Variants in GSE1 observed in about 807,000 individuals in gnomAD.
The protein encoded by GSE1 is Gse1 coiled-coil protein.
In GSE1, 32 loss-of-function variants were observed where a neutral mutation model predicts 112.6. The observed-to-expected ratio is 0.28, with a 90% confidence interval of 0.21 to 0.38. GSE1 has a LOEUF of 0.38. GSE1 is among the 10% of genes least tolerant of loss of function. GSE1 has a pLI of 1.00. For synonymous variants in GSE1, 1,115 were observed against 735.6 expected (o/e 1.52, Z -8.35); for missense variants, 2,348 against 1,699.2 (o/e 1.38, Z -6.71).
chr16:85,656,237 G>T, intron 6 of GSE1, 106 bp from the exon 7 acceptor site: 1 of 1,408,900 alleles, frequency 7.1e-7, no homozygotes, highest in Non-Finnish European at 9.7e-7. Context: ...TCACTGTTCA[G>T]ATTAGCGCCC....
chr16:85,333,587 C>A (rs1167400272), intron 1 of GSE1, among the ~76,000 whole-genome samples: 1 of 152,228 alleles, frequency 6.6e-6, no homozygotes, highest in Non-Finnish European at 1.5e-5. Context: ...TGTATGTGGC[C>A]CTGGGCCTCA....
chr16:85,369,930 G>T (rs1271030463), intron 2 of GSE1, among the ~76,000 whole-genome samples: 1 of 152,184 alleles, frequency 6.6e-6, no homozygotes, highest in Non-Finnish European at 1.5e-5. Flanking sequence ...CAACCCCAAG[G>T]GTGCATTCTG....
At chr16:85,618,930 C>G (rs2048550544) in intron 1 of GSE1, among the ~76,000 whole-genome samples, 1 of 152,260 alleles carries the variant, frequency 6.6e-6, no homozygotes, top group African/African-American at 2.4e-5. Context: ...TCCCAAAGCA[C>G]TGGAGTTACA....
chr16:85,428,691 G>C (rs2049048853), intron 2 of GSE1, among the ~76,000 whole-genome samples: 1 of 152,186 alleles, frequency 6.6e-6, no homozygotes, highest in South Asian at 2.1e-4. Context: ...CCCTGAACTG[G>C]ACTGTCCACA....
At chr16:85,635,300 G>T (rs528097603) in intron 2 of GSE1, among the ~76,000 whole-genome samples, 1 of 151,304 alleles carries the variant, frequency 6.6e-6, no homozygotes, top group African/African-American at 2.5e-5. Flanking sequence ...ACCACCAGGG[G>T]GCAGCCCCTC....
intron 1 of GSE1, among the ~76,000 whole-genome samples, chr16:85,322,169 C>G (rs976283736): frequency 8.5e-5 from 13 of 152,234 alleles, no homozygotes. Context: ...GTTCAACATT[C>G]TGCCTTGCCA....
chr16:85,467,968 G>A (rs2151838605), intron 2 of GSE1, among the ~76,000 whole-genome samples: 1 of 152,284 alleles, frequency 6.6e-6, no homozygotes, highest in East Asian at 1.9e-4. Flanking sequence ...AAGAGAATGG[G>A]GCGTGGGAGG....
chr16:85,661,691 T>A lies in GSE1; in HGVS notation c.2186T>A (p.Phe729Tyr). 6.2e-7 allele frequency: 1 copy of A among 1,607,854 alleles called. No homozygotes were observed. The highest frequency in any genetic ancestry group is 8.5e-7 in the Non-Finnish European group (1 of 1,177,400). Residue 729 changes from phenylalanine to tyrosine, a missense_variant, in exon 9 of 16, where the codon TTC becomes TAC. Transcript: ENST00000253458. ...GACCCTGCCTACATCTATGATGAGTTCCTGCAGCAGCGCCGGAGGCTGGTC... is the reference window on the plus strand; with the variant it reads ...GACCCTGCCTACATCTATGATGAGTACCTGCAGCAGCGCCGGAGGCTGGTC... Reference protein sequence around the residue: ...APDPAYIYDEFLQQRRRLVSK... With the variant: ...APDPAYIYDEYLQQRRRLVSK...
intron 3 of GSE1, among the ~76,000 whole-genome samples, chr16:85,652,102 C>T (rs950360834): frequency 6.6e-6 from 1 of 152,248 alleles, no homozygotes; most frequent in Non-Finnish European, 1.5e-5. Flanking sequence ...GGCCCCCACC[C>T]TGCTGGTGCG....
chr16:85,280,735 C>T (rs576880731), intron 1 of GSE1, among the ~76,000 whole-genome samples: 1 of 152,340 alleles, frequency 6.6e-6, no homozygotes, highest in South Asian at 2.1e-4. Context: ...CCACACCATC[C>T]CTGCCGTCAT....
intron 13 of GSE1, among the ~76,000 whole-genome samples, chr16:85,667,410 G>T (rs757705677): frequency 6.6e-6 from 1 of 152,248 alleles, no homozygotes; most frequent in Non-Finnish European, 1.5e-5. Flanking sequence ...ACCAGGCCAC[G>T]CCATGAGACA....
Position 85,674,986 on chromosome 16 carries a change from G to A in GSE1, c.*2447G>A, listed in dbSNP as rs988441017. 6.6e-6 allele frequency: 1 copy of A among 152,564 alleles called. No homozygotes were observed. The highest frequency in any genetic ancestry group is 2.4e-5 in the African/African-American group (1 of 41,438). The allele number at this position is 152,564 out of a possible 1,614,324, so 9.5% of individuals were successfully genotyped here. A position where few individuals can be genotyped will look rare whatever the true frequency, so the allele number is the denominator to read the frequency against. Reference sequence around the variant, plus strand: ...CACGAATAAACTAAGAAAAAGGTAAGAACTGTCTCAAAAACGAAAGCACAC... The same window carrying A: ...CACGAATAAACTAAGAAAAAGGTAAAAACTGTCTCAAAAACGAAAGCACAC... On this transcript the variant is annotated 3_prime_UTR_variant, in exon 16 of 16. Coordinates refer to ENST00000253458, the MANE Select transcript of GSE1 (RefSeq NM_014615.5).
intron 1 of GSE1, among the ~76,000 whole-genome samples, chr16:85,253,344 C>T (rs73251977): frequency 0.014 from 2,170 of 152,230 alleles, 45 homozygotes; most frequent in African/African-American, 0.05. Flanking sequence ...GGGCACTGTG[C>T]CCGCTGCCCG....
At chr16:85,390,766 C>T (rs989238933) in intron 2 of GSE1, among the ~76,000 whole-genome samples, 87 of 148,400 alleles carry the variant, frequency 5.9e-4, no homozygotes, top group African/African-American at 2.1e-3. Flanking sequence ...GAACCCCGTG[C>T]TGGCCTTGCC....
chr16:85,248,060 T>C (rs1906051693), intron 1 of GSE1, among the ~76,000 whole-genome samples: 1 of 152,214 alleles, frequency 6.6e-6, no homozygotes, highest in South Asian at 2.1e-4. Context: ...CCCCCAGCTC[T>C]GTCCACCTGC....
chr16:85,397,238 T>C (rs11649180), intron 2 of GSE1, among the ~76,000 whole-genome samples: 42,293 of 152,114 alleles, frequency 0.28, 6,768 homozygotes, highest in South Asian at 0.42. Context: ...CCCTTTTGCA[T>C]TGGGGGAAGC....
intron 2 of GSE1, among the ~76,000 whole-genome samples, chr16:85,365,833 C>T (rs565283252): frequency 2.6e-5 from 4 of 152,204 alleles, no homozygotes; most frequent in Admixed American, 6.5e-5. Flanking sequence ...ACCTGGACTC[C>T]CTCTCCCTGA....
At chr16:85,628,837 G>C (rs988102424) in intron 1 of GSE1, among the ~76,000 whole-genome samples, 1 of 152,192 alleles carries the variant, frequency 6.6e-6, no homozygotes, top group Admixed American at 6.5e-5. Context: ...CGCCATCTGG[G>C]GTCTGGTCTG....
chr16:85,611,438 G>A (rs1039687433), upstream of GSE1: 6 of 984,300 alleles, frequency 6.1e-6, no homozygotes, highest in Non-Finnish European at 7.2e-6. Context: ...ATAGCGTCCG[G>A]CCAAGGCCGC....
Sources: gnomAD v4.1 joint callset for allele counts (sites outside exome capture counted in the v4.1 genomes callset) on GRCh38, gnomAD v4.1.1 for gene constraint, MANE v1.5 for transcripts, NCBI Gene and HGNC (gene_info 2026-07-23, HGNC 2026-07-21) for gene names.